PRKD1: variants seen among roughly 807,000 people sequenced by gnomAD.
PRKD1 encodes serine/threonine-protein kinase D1.
In PRKD1, 63 loss-of-function variants were observed where a neutral mutation model predicts 95.9. The observed-to-expected ratio is 0.66, with a 90% CI of 0.54 to 0.81. PRKD1 has a LOEUF of 0.81. Among genes scored for constraint, PRKD1 ranks in the 30% least tolerant of loss-of-function variants. The pLI, the probability that PRKD1 is intolerant of heterozygous loss-of-function variation, is 0.00. For synonymous variants in PRKD1, 425 were observed against 423.1 expected (o/e 1.00, Z -0.05); for missense variants, 1,048 against 1,165.3 (o/e 0.90, Z 1.47).
chr14:29,629,164 C>T, intron 10 of PRKD1, 71 bp from the exon 11 acceptor site: 3 of 1,289,332 alleles, frequency 2.3e-6, no homozygotes, highest in Non-Finnish European at 1.1e-6. Flanking sequence ...CAAGTAAGTA[C>T]ATGCTTACAA....
At chr14:29,763,125 TAAAAAA>T (rs36087571) in intron 1 of PRKD1, among the ~76,000 whole-genome samples, 2 of 64,796 alleles carry the variant, frequency 3.1e-5, no homozygotes, top group African/African-American at 1.3e-4. Context: ...TCTCTAAAAT[TAAAAAA>T]AAAAAAAAAA....
intron 2 of PRKD1, among the ~76,000 whole-genome samples, chr14:29,686,146 A>G (rs531790208): frequency 6.6e-6 from 1 of 152,192 alleles, no homozygotes; most frequent in Admixed American, 6.5e-5. Context: ...TCCCACTGAT[A>G]GCTTGAAACC....
intron 16 of PRKD1, among the ~76,000 whole-genome samples, chr14:29,595,957 T>G (rs2139002106): frequency 6.6e-6 from 1 of 152,360 alleles, no homozygotes; most frequent in East Asian, 1.9e-4. Context: ...CTCTGTCTCC[T>G]GGGAAAGAAA....
In PRKD1 at chr14:29,770,146, G is replaced by A. The variant is rs541752680; in HGVS notation, c.265-44472C>T. Among the ~76,000 whole-genome samples, 3 of 152,292 alleles carry A rather than the reference G, an allele frequency of 2.0e-5. No individual in the cohort carries two copies. In the East Asian group the frequency reaches 5.8e-4, roughly 29 times the overall value. On this transcript the variant is annotated intron_variant, in intron 1 of 17. Coordinates refer to ENST00000331968, the MANE Select transcript of PRKD1 (RefSeq NM_002742.3). Reference sequence around the variant, plus strand: ...TGAATCTGTCAACACCCTTGATTTTGGTCTCTCCAGTCTCCAGAAGTGTAA... The same window carrying A: ...TGAATCTGTCAACACCCTTGATTTTAGTCTCTCCAGTCTCCAGAAGTGTAA...
intron 13 of PRKD1, among the ~76,000 whole-genome samples, chr14:29,603,955 G>A (rs765271002): frequency 6.9e-4 from 105 of 152,258 alleles, no homozygotes; most frequent in Non-Finnish European, 1.2e-3. Context: ...TATTCACGGG[G>A]TGAATATAAG....
chr14:29,606,193 CG>C (rs542293660), intron 13 of PRKD1, among the ~76,000 whole-genome samples: 64 of 151,996 alleles, frequency 4.2e-4, no homozygotes, highest in African/African-American at 1.4e-3. Flanking sequence ...TTGTATTTTT[CG>C]TGGAAACGGG....
intron 1 of PRKD1, among the ~76,000 whole-genome samples, chr14:29,797,155 T>C (rs752086343): frequency 3.3e-5 from 5 of 152,008 alleles, no homozygotes; most frequent in Non-Finnish European, 7.4e-5. Context: ...TAACTACATA[T>C]CAAAAGCAAA....
At chr14:29,734,862 C>T (rs937068925) in intron 1 of PRKD1, among the ~76,000 whole-genome samples, 1 of 152,126 alleles carries the variant, frequency 6.6e-6, no homozygotes, top group African/African-American at 2.4e-5. Flanking sequence ...GAGCTCTTAT[C>T]TCTGTCTTCT....
intron 2 of PRKD1, among the ~76,000 whole-genome samples, chr14:29,679,053 G>A (rs1883386822): frequency 6.6e-6 from 1 of 152,008 alleles, no homozygotes; most frequent in South Asian, 2.1e-4. Flanking sequence ...ATTTGTCCTA[G>A]ACAAAAGTGA....
chr14:29,724,081 C>T (rs1176390487), intron 2 of PRKD1, among the ~76,000 whole-genome samples: 3 of 152,138 alleles, frequency 2.0e-5, no homozygotes, highest in African/African-American at 7.2e-5. Flanking sequence ...GCAGGTCTGG[C>T]TCATTAATGC....
In PRKD1 at chr14:29,630,456, A is replaced by G. The variant is rs367744079; in HGVS notation, c.1672+286T>C. 7 of 312,474 alleles carry G rather than the reference A, an allele frequency of 2.2e-5. No homozygotes were observed. The East Asian group carries it at 4.5e-4, about 20-fold the overall frequency. 19.4% of individuals were successfully genotyped at this position (312,474 alleles called of 1,614,324 possible). A position where few individuals can be genotyped will look rare whatever the true frequency, so the allele number is the denominator to read the frequency against. ...GCCCGGCCAGATTACTTCTTCTTTT[A>G]TAACCAATAGCTCTAGAGGTCTGTA... is the stretch of plus-strand genomic sequence containing the variant. On this transcript the variant is annotated intron_variant, in intron 10 of 17. Coordinates refer to ENST00000331968, the MANE Select transcript of PRKD1 (RefSeq NM_002742.3).
At chr14:29,821,642 G>A (rs575459844) in intron 1 of PRKD1, among the ~76,000 whole-genome samples, 10 of 152,154 alleles carry the variant, frequency 6.6e-5, no homozygotes, top group Admixed American at 6.5e-4. Context: ...TAGACATTCA[G>A]GGCTTATAAA....
At chr14:29,732,437 T>C (rs1220917363) in intron 1 of PRKD1, among the ~76,000 whole-genome samples, 1 of 152,184 alleles carries the variant, frequency 6.6e-6, no homozygotes. Context: ...GCTATTTTTC[T>C]ATGTCTTTTA....
intron 2 of PRKD1, among the ~76,000 whole-genome samples, chr14:29,712,362 T>C (rs550404353): frequency 6.6e-6 from 1 of 152,168 alleles, no homozygotes; most frequent in South Asian, 2.1e-4. Context: ...GTTATAATGA[T>C]CAGAACCTCA....
At chr14:29,585,886 T>C (rs1892906657) in intron 16 of PRKD1, among the ~76,000 whole-genome samples, 1 of 152,252 alleles carries the variant, frequency 6.6e-6, no homozygotes, top group Non-Finnish European at 1.5e-5. Context: ...GATATTGATA[T>C]TTGTATCAAT....
chr14:29,887,802 T>C (rs922400917), intron 1 of PRKD1, among the ~76,000 whole-genome samples: 17 of 152,208 alleles, frequency 1.1e-4, no homozygotes, highest in African/African-American at 3.6e-4. Context: ...CTAGGAGCAA[T>C]AGGCTATACC....
intron 1 of PRKD1, among the ~76,000 whole-genome samples, chr14:29,742,143 C>T (rs1422712562): frequency 6.6e-6 from 1 of 152,254 alleles, no homozygotes; most frequent in East Asian, 1.9e-4. Context: ...CTCTCATTTA[C>T]TTTGATGTTC....
intron 1 of PRKD1, among the ~76,000 whole-genome samples, chr14:29,778,642 A>T (rs1011136223): frequency 2.6e-5 from 4 of 152,218 alleles, no homozygotes; most frequent in Non-Finnish European, 4.4e-5. Flanking sequence ...TGAGGCAATA[A>T]TTAATAGCAC....
chr14:29,710,145 G>A (rs1005126484), intron 2 of PRKD1, among the ~76,000 whole-genome samples: 2 of 152,072 alleles, frequency 1.3e-5, no homozygotes, highest in African/African-American at 2.4e-5. Context: ...TAAGTAAATG[G>A]AGAAGAGACA....
Sources: allele counts gnomAD v4.1 joint callset (sites outside exome capture counted in the v4.1 genomes callset), GRCh38; gene constraint gnomAD v4.1.1; transcripts MANE v1.5; gene names NCBI Gene and HGNC (gene_info 2026-07-23, HGNC 2026-07-21).